Variants in NRCAM observed in about 807,000 individuals in gnomAD.
NRCAM encodes neuronal cell adhesion molecule.
Under a neutral mutation model 156.5 loss-of-function variants are expected in NRCAM, and 83 were observed. The ratio of observed to expected loss-of-function variants is 0.53; its 90% CI spans 0.44 to 0.64. NRCAM has a LOEUF of 0.64. NRCAM is among the 30% of genes least tolerant of loss of function. The pLI is 0.00. For missense variants in NRCAM, 1,417 were observed against 1,597.3 expected, an observed-to-expected ratio of 0.89 and a Z score of 1.92; for synonymous variants, 538 against 563.9, an observed-to-expected ratio of 0.95 and a Z score of 0.65.
chr7:108,205,775 A>C (rs1218216693), intron 13 of NRCAM, among the ~76,000 whole-genome samples: 1 of 152,134 alleles, frequency 6.6e-6, no homozygotes, highest in Non-Finnish European at 1.5e-5. Context: ...TTTTTGTAGA[A>C]GCAGGATTTT....
At chr7:108,177,377 A>T (rs998601610) in intron 26 of NRCAM, among the ~76,000 whole-genome samples, 1 of 152,132 alleles carries the variant, frequency 6.6e-6, no homozygotes, top group Non-Finnish European at 1.5e-5. Context: ...TAATCCCAGC[A>T]CTTTGGGAGG....
chr7:108,357,221 T>C (rs1345381265), intron 2 of NRCAM, among the ~76,000 whole-genome samples: 1 of 152,234 alleles, frequency 6.6e-6, no homozygotes, highest in Non-Finnish European at 1.5e-5. Context: ...ATGTACTTCA[T>C]GGGCTTTGGT....
chr7:108,253,048 C>G (rs1408667685), intron 3 of NRCAM, among the ~76,000 whole-genome samples: 1 of 152,214 alleles, frequency 6.6e-6, no homozygotes, highest in Non-Finnish European at 1.5e-5. Context: ...GTCATTTTTA[C>G]TTAGAAGCTT....
intron 2 of NRCAM, among the ~76,000 whole-genome samples, chr7:108,323,122 G>C (rs2099022212): frequency 6.6e-6 from 1 of 152,198 alleles, no homozygotes; most frequent in Non-Finnish European, 1.5e-5. Context: ...AGTCAGAGGT[G>C]AATTAACAAA....
At position 108,209,625 on chromosome 7, in the gene NRCAM, A is replaced by G; in HGVS notation, c.891-20T>C. The G allele has an allele frequency of 1.9e-6, 3 of 1,544,422 alleles. No homozygotes were observed. The highest frequency in any genetic ancestry group is 1.7e-6 in the Non-Finnish European group (2 of 1,150,044). Reference sequence around the variant, plus strand: ...GTAGGCCTGATAGGATAAATAAATAATGATGTTACAAAAAAGGAATCCACC... The same window carrying G: ...GTAGGCCTGATAGGATAAATAAATAGTGATGTTACAAAAAAGGAATCCACC... On this transcript the variant is annotated intron_variant, in intron 11 of 32. Coordinates refer to ENST00000379028, the MANE Select transcript of NRCAM (RefSeq NM_001037132.4).
intron 2 of NRCAM, among the ~76,000 whole-genome samples, chr7:108,332,462 A>C (rs1235921899): frequency 1.3e-5 from 2 of 152,184 alleles, no homozygotes; most frequent in Non-Finnish European, 2.9e-5. Flanking sequence ...TTCTCGGCTC[A>C]CTGCTTCTCT....
intron 3 of NRCAM, among the ~76,000 whole-genome samples, chr7:108,307,446 A>G (rs1387746337): frequency 6.6e-6 from 1 of 152,132 alleles, no homozygotes; most frequent in Non-Finnish European, 1.5e-5. Flanking sequence ...ACCATATCCT[A>G]CTCGACTCTT....
chr7:108,415,224 T>C (rs905871561), intron 1 of NRCAM, among the ~76,000 whole-genome samples: 11 of 152,142 alleles, frequency 7.2e-5, no homozygotes, highest in African/African-American at 2.4e-4. Flanking sequence ...CAGGGGTACC[T>C]TTCCTTGGCA....
intron 3 of NRCAM, among the ~76,000 whole-genome samples, chr7:108,261,381 A>T (rs1473820148): frequency 6.6e-6 from 1 of 152,232 alleles, no homozygotes. Context: ...AGTAGATAGT[A>T]TAGCTCTCTT....
At chr7:108,348,830 G>T (rs148502360) in intron 2 of NRCAM, among the ~76,000 whole-genome samples, 3 of 151,178 alleles carry the variant, frequency 2.0e-5, no homozygotes, top group African/African-American at 7.3e-5. Context: ...GAAAACCCAG[G>T]AAGTGGAGGA....
chr7:108,220,887 C>G (rs936174532), intron 11 of NRCAM, among the ~76,000 whole-genome samples: 2 of 152,054 alleles, frequency 1.3e-5, no homozygotes, highest in Non-Finnish European at 2.9e-5. Context: ...ATGGCAAAAA[C>G]AACAGTCAGC....
At chr7:108,450,938 G>C (rs1473999981) in intron 1 of NRCAM, among the ~76,000 whole-genome samples, 1 of 152,182 alleles carries the variant, frequency 6.6e-6, no homozygotes, top group Non-Finnish European at 1.5e-5. Context: ...GATAACAGTG[G>C]CTGGGCGTGG....
chr7:108,364,646 T>C (rs906115774), intron 2 of NRCAM, among the ~76,000 whole-genome samples: 1 of 152,086 alleles, frequency 6.6e-6, no homozygotes. Context: ...AAATGTGGCA[T>C]ATATCCATAC....
intron 13 of NRCAM, among the ~76,000 whole-genome samples, chr7:108,202,871 T>C (rs543314027): frequency 5.3e-4 from 80 of 152,284 alleles, no homozygotes; most frequent in African/African-American, 1.8e-3. Flanking sequence ...AACGGTGTGA[T>C]CTTATCCACG....
chr7:108,159,676 A>G (rs1164070733), intron 31 of NRCAM, 135 bp from the exon 32 acceptor site: 3 of 635,320 alleles, frequency 4.7e-6, no homozygotes, highest in East Asian at 2.7e-5. Flanking sequence ...AACCATATAT[A>G]TGGTGGCCAT....
chr7:108,166,611 A>C (rs1010492151), intron 30 of NRCAM, among the ~76,000 whole-genome samples: 1 of 152,278 alleles, frequency 6.6e-6, no homozygotes, highest in African/African-American at 2.4e-5. Flanking sequence ...TCAGTTTAAC[A>C]CTGAGGGAAA....
chr7:108,436,356 T>C (rs1333266150), intron 1 of NRCAM, among the ~76,000 whole-genome samples: 2 of 152,318 alleles, frequency 1.3e-5, no homozygotes, highest in African/African-American at 2.4e-5. Context: ...AATTTTGATA[T>C]TGATTAGATA....
intron 3 of NRCAM, among the ~76,000 whole-genome samples, chr7:108,293,277 A>G (rs2098363593): frequency 6.6e-6 from 1 of 152,176 alleles, no homozygotes; most frequent in Non-Finnish European, 1.5e-5. Context: ...CCAGCGGGCG[A>G]TCACGGCTTG....
chr7:108,290,179 C>A (rs890361653), intron 3 of NRCAM, among the ~76,000 whole-genome samples: 2 of 152,158 alleles, frequency 1.3e-5, no homozygotes, highest in Non-Finnish European at 2.9e-5. Context: ...ATAATACTGT[C>A]ATGAGACGTG....
Sources: gnomAD v4.1 joint callset for allele counts (sites outside exome capture counted in the v4.1 genomes callset) on GRCh38, gnomAD v4.1.1 for gene constraint, MANE v1.5 for transcripts, NCBI Gene and HGNC (gene_info 2026-07-23, HGNC 2026-07-21) for gene names.